A1CF: variants seen among roughly 807,000 people sequenced by gnomAD.
The protein encoded by A1CF is APOBEC1 complementation factor, also known as APOBEC-1 stimulating protein.
Under a neutral mutation model 68.9 loss-of-function variants are expected in A1CF, and 48 were observed. That is an observed-to-expected ratio of 0.70 (90% CI 0.55 to 0.89). The LOEUF is 0.89. Ranked by LOEUF, A1CF falls within the 40% of genes least tolerant of loss-of-function variation. The pLI, the probability that A1CF is intolerant of heterozygous loss-of-function variation, is 0.00. For missense variants in A1CF, 653 were observed against 718.9 expected (o/e 0.91, Z 1.05); for synonymous variants, 272 against 260.4 (o/e 1.04, Z -0.43).
intron 6 of A1CF, among the ~76,000 whole-genome samples, chr10:50,832,515 G>A (rs1839298096): frequency 6.6e-6 from 1 of 152,196 alleles, no homozygotes; most frequent in Non-Finnish European, 1.5e-5. Flanking sequence ...ATAAGGCTAA[G>A]GGAACAGAAA....
At chr10:50,842,089 A>ACACAC in intron 4 of A1CF, 97 bp from the exon 5 acceptor site, 1 of 1,140,804 alleles carries the variant, frequency 8.8e-7, no homozygotes, top group Non-Finnish European at 1.2e-6. Context: ...ACACACACAC[A>ACACAC]ATGCTTTCTG....
chr10:50,816,180 G>C lies in A1CF; in HGVS notation c.967C>G (p.Leu323Val). The C allele has an allele frequency of 3.1e-6, 5 of 1,613,762 alleles. No homozygotes were observed. The highest frequency in any genetic ancestry group is 4.2e-6 in the Non-Finnish European group (5 of 1,179,864). Reference sequence around the variant, plus strand: ...AAAGAGTAGGTATACTCTCCTTGCAGCATGGTGCCCCTTCCACCTGTGCCT... The same window carrying C: ...AAAGAGTAGGTATACTCTCCTTGCACCATGGTGCCCCTTCCACCTGTGCCT... ...TRGTGGRGTMLQGEYTYSLGQ... is the reference protein window; with the variant it reads ...TRGTGGRGTMVQGEYTYSLGQ... Residue 323 changes from leucine to valine, a missense_variant, in exon 9 of 13, where the codon CTG (leucine) becomes GTG (valine). Leu to Val is a conservative substitution (Grantham distance 32). Transcript: ENST00000373997.
intron 12 of A1CF, among the ~76,000 whole-genome samples, chr10:50,808,911 T>G (rs1397748829): frequency 6.6e-6 from 1 of 152,120 alleles, no homozygotes; most frequent in Non-Finnish European, 1.5e-5. Flanking sequence ...AATATCATGT[T>G]TCTAGGTCTA....
In A1CF at chr10:50,844,043, A is replaced by G. The variant is rs1308146703; in HGVS notation, c.179T>C (p.Ile60Thr). The G allele has an allele frequency of 6.2e-7, 1 of 1,613,972 alleles. No homozygotes were observed. The highest frequency in any genetic ancestry group is 8.5e-7 in the Non-Finnish European group (1 of 1,179,894). ...APPERGCEIFIGKLPRDLFED... is the reference protein window; with the variant it reads ...APPERGCEIFTGKLPRDLFED... ...AAAAAGGTCTCGGGGAAGTTTTCCA[A>G]TAAAAATTTCACAGCCCCTTTCAGG... Residue 60 changes from isoleucine to threonine, a missense_variant, in exon 4 of 13, where the codon ATT (isoleucine) becomes ACT (threonine). Ile to Thr is a moderately conservative substitution (Grantham distance 89, BLOSUM62 -1). Coordinates refer to ENST00000373997, the MANE Select transcript of A1CF (RefSeq NM_014576.4).
chr10:50,838,175 A>C (rs1839603462), intron 5 of A1CF, among the ~76,000 whole-genome samples: 1 of 152,198 alleles, frequency 6.6e-6, no homozygotes, highest in Admixed American at 6.5e-5. Context: ...TCTGATATCC[A>C]TGGAGCGAAT....
At chr10:50,858,904 G>T (rs1437667750) in intron 3 of A1CF, among the ~76,000 whole-genome samples, 1 of 152,010 alleles carries the variant, frequency 6.6e-6, no homozygotes, top group Non-Finnish European at 1.5e-5. Flanking sequence ...TCATTAGGAT[G>T]AAGAAAATAA....
chr10:50,857,927 G>A (rs996312030), intron 3 of A1CF, among the ~76,000 whole-genome samples: 4 of 152,154 alleles, frequency 2.6e-5, no homozygotes, highest in Non-Finnish European at 2.9e-5. Context: ...TCTGAAGATC[G>A]TAAAAAGAAT....
At chr10:50,828,557 A>C (rs890162580) in intron 6 of A1CF, 7 of 288,618 alleles carry the variant, frequency 2.4e-5, no homozygotes, top group African/African-American at 1.5e-4. Context: ...AACAGAAATG[A>C]GGCAGCAGAG....
At chr10:50,858,381 T>G (rs1422291405) in intron 3 of A1CF, among the ~76,000 whole-genome samples, 1 of 152,148 alleles carries the variant, frequency 6.6e-6, no homozygotes. Context: ...GTTTTAGGAT[T>G]ATTTTTCATA....
At chr10:50,837,472 G>A (rs561823573) in intron 5 of A1CF, among the ~76,000 whole-genome samples, 2 of 152,156 alleles carry the variant, frequency 1.3e-5, no homozygotes, top group Non-Finnish European at 2.9e-5. Flanking sequence ...AAATAAAAGT[G>A]AGCCCTAGAA....
chr10:50,856,011 A>C (rs2132511546), intron 3 of A1CF, among the ~76,000 whole-genome samples: 1 of 152,118 alleles, frequency 6.6e-6, no homozygotes, highest in Middle Eastern at 3.4e-3. Context: ...AGGAAGGCTG[A>C]AGTATTAGTA....
At position 50,814,053 on chromosome 10, in the gene A1CF, A is replaced by G. The variant is rs1417765232; in HGVS notation, c.1142-15T>C. On this transcript the variant is annotated splice_polypyrimidine_tract_variant and intron_variant, in intron 9 of 12. Transcript: ENST00000373997. ...TCCCGCAGCCCCTACAGGTACATTC[A>G]TGTAAATTTCTAGGAACGTAAGAAG... is the stretch of plus-strand genomic sequence containing the variant. 2.5e-6 allele frequency: 4 copies of G among 1,612,802 alleles called. No individual in the cohort carries two copies. Among genetic ancestry groups the G allele is most frequent in the East Asian group, 4.5e-5 (2 of 44,828 alleles).
chr10:50,836,372 G>A (rs1045937283), intron 5 of A1CF, 60 bp from the exon 6 acceptor site: 1 of 1,540,090 alleles, frequency 6.5e-7, no homozygotes, highest in South Asian at 1.2e-5. Flanking sequence ...GGTTGAAAAT[G>A]TATGGCTGTG....
chr10:50,845,485 C>A (rs946858822), intron 3 of A1CF, among the ~76,000 whole-genome samples: 4 of 152,138 alleles, frequency 2.6e-5, no homozygotes, highest in African/African-American at 9.7e-5. Context: ...GTTATTATCC[C>A]ATTTACATAA....
chr10:50,864,313 G>T (rs1021645970), intron 1 of A1CF, among the ~76,000 whole-genome samples: 20 of 152,134 alleles, frequency 1.3e-4, no homozygotes, highest in African/African-American at 4.8e-4. Context: ...ATCTCATATT[G>T]GAGGAGAGAA....
intron 3 of A1CF, among the ~76,000 whole-genome samples, chr10:50,847,792 CAA>C (rs761835087): frequency 9.2e-5 from 14 of 152,088 alleles, no homozygotes; most frequent in Admixed American, 4.6e-4. Flanking sequence ...AGTTCTGATG[CAA>C]AAGCCACAAA....
chr10:50,841,816 G>A (rs780699407), intron 5 of A1CF, 46 bp downstream of exon 5: 15 of 1,603,958 alleles, frequency 9.4e-6, no homozygotes, highest in Non-Finnish European at 1.3e-5. Context: ...AACAGACACA[G>A]GTGCATTGTT....
intron 6 of A1CF, among the ~76,000 whole-genome samples, chr10:50,832,226 C>T (rs946787720): frequency 4.6e-5 from 7 of 152,108 alleles, no homozygotes; most frequent in Admixed American, 1.3e-4. Flanking sequence ...CAGTTAAAGT[C>T]GCATTGGTAG....
At chr10:50,876,500 C>T (rs1004200475) in intron 1 of A1CF, among the ~76,000 whole-genome samples, 6 of 152,194 alleles carry the variant, frequency 3.9e-5, no homozygotes, top group Non-Finnish European at 8.8e-5. Flanking sequence ...GAGTGGGCCT[C>T]ATCCAATCAA....
Sources: gnomAD v4.1 joint callset for allele counts (sites outside exome capture counted in the v4.1 genomes callset) on GRCh38, gnomAD v4.1.1 for gene constraint, MANE v1.5 for transcripts, NCBI Gene and HGNC (gene_info 2026-07-23, HGNC 2026-07-21) for gene names.